The following SMG6 variants were observed in gnomAD, a reference collection of about 807,000 sequenced individuals.
SMG6 encodes the protein telomerase-binding protein EST1A.
SMG6 carries 66 observed loss-of-function variants against 142.2 expected under a neutral mutation model. That is an observed-to-expected ratio of 0.46 (90% CI 0.38 to 0.57). SMG6 has a LOEUF of 0.57. Ranked by LOEUF, SMG6 falls within the 20% of genes least tolerant of loss-of-function variation. The pLI, the probability that SMG6 is intolerant of heterozygous loss-of-function variation, is 0.00. For synonymous variants in SMG6, 779 were observed against 702.4 expected (o/e 1.11, Z -1.72); for missense variants, 1,793 against 1,832.0 (o/e 0.98, Z 0.39).
In SMG6 at chr17:2,292,592, C is replaced by A. The variant is rs1463752040; in HGVS notation, c.2297G>T (p.Gly766Val). The change falls in exon 6 of 19, where the codon GGG (glycine) becomes GTG (valine). Residue 766 changes from glycine to valine, a missense_variant. Coordinates refer to ENST00000263073, the MANE Select transcript of SMG6 (RefSeq NM_017575.5). The stretch of plus-strand genomic sequence containing the variant: ...CAAAGCCAACTGGTTATAGGGGCGC[C>A]CATTCTTGGGAGCAATGTGCTGGGC... ...LKAQHIAPKN[G>V]RPYNQLALLA... 6.2e-7 allele frequency: 1 copy of A among 1,614,078 alleles called. No individual in the cohort carries two copies. The highest frequency in any genetic ancestry group is 8.5e-7 in the Non-Finnish European group (1 of 1,180,044).
chr17:2,254,086 A>T (rs561183201), intron 8 of SMG6, among the ~76,000 whole-genome samples: 4 of 152,222 alleles, frequency 2.6e-5, no homozygotes, highest in Non-Finnish European at 5.9e-5. Context: ...AAAGAGAAAG[A>T]AAGTTCAGCC....
chr17:2,060,298 C>T lies in SMG6; in HGVS notation c.*1194G>A, dbSNP rs138100055. The stretch of plus-strand genomic sequence containing the variant: ...GGAAGCCTCCCCACTGAGGTACCAG[C>T]TAAAGGGGCAAGGAAAGGGCCCCTG... On this transcript the variant is annotated 3_prime_UTR_variant, in exon 19 of 19. Coordinates refer to ENST00000263073, the MANE Select transcript of SMG6 (RefSeq NM_017575.5). 1.3e-5 allele frequency: 2 copies of T among 152,274 alleles called. No homozygotes were observed. 9.4% of individuals were successfully genotyped at this position (152,274 alleles called of 1,614,324 possible).
intron 10 of SMG6, among the ~76,000 whole-genome samples, chr17:2,220,942 A>G (rs2073152684): frequency 6.6e-6 from 1 of 152,212 alleles, no homozygotes; most frequent in South Asian, 2.1e-4. Context: ...AAAAAAAATC[A>G]TTTAGTTTTC....
intron 10 of SMG6, among the ~76,000 whole-genome samples, chr17:2,190,379 G>C (rs2072122917): frequency 6.6e-6 from 1 of 152,292 alleles, no homozygotes; most frequent in Non-Finnish European, 1.5e-5. Context: ...GGGATGGAGG[G>C]GGGTGTCCTG....
At chr17:2,229,888 G>C (rs1426543311) in intron 10 of SMG6, among the ~76,000 whole-genome samples, 2 of 152,198 alleles carry the variant, frequency 1.3e-5, no homozygotes, top group East Asian at 1.9e-4. Context: ...AAAGGTAGCT[G>C]AAAGTCCTGC....
At chr17:2,118,475 G>A (rs1264257873) in intron 13 of SMG6, among the ~76,000 whole-genome samples, 3 of 152,184 alleles carry the variant, frequency 2.0e-5, no homozygotes, top group Non-Finnish European at 4.4e-5. Context: ...GGGAGTAGAG[G>A]TAGCAGTGAG....
At chr17:2,232,328 T>C (rs2073520793) in intron 10 of SMG6, among the ~76,000 whole-genome samples, 1 of 152,164 alleles carries the variant, frequency 6.6e-6, no homozygotes, top group Non-Finnish European at 1.5e-5. Context: ...ACTACCGAAG[T>C]GTTAAATACG....
chr17:2,077,950 C>CA (rs1434115812), intron 15 of SMG6, among the ~76,000 whole-genome samples: 2 of 152,158 alleles, frequency 1.3e-5, no homozygotes, highest in Non-Finnish European at 2.9e-5. Flanking sequence ...GCTGGAAAAA[C>CA]AGACTGGGAA....
chr17:2,242,374 A>T (rs2073825594), intron 9 of SMG6, among the ~76,000 whole-genome samples: 1 of 148,682 alleles, frequency 6.7e-6, no homozygotes, highest in African/African-American at 2.5e-5. Flanking sequence ...AAAAAAAAAA[A>T]AAAAAATTAG....
chr17:2,123,338 G>C (rs1390325521), intron 13 of SMG6, among the ~76,000 whole-genome samples: 3 of 152,168 alleles, frequency 2.0e-5, no homozygotes, highest in Admixed American at 1.3e-4. Context: ...GACTCCAAAC[G>C]ATATTCCTAA....
intron 13 of SMG6, among the ~76,000 whole-genome samples, chr17:2,140,230 T>A (rs112108842): frequency 1.3e-5 from 2 of 151,954 alleles, no homozygotes; most frequent in African/African-American, 4.8e-5. Flanking sequence ...GCCCAACTAG[T>A]TTTTGTACTT....
chr17:2,086,854 T>C (rs1211598968), intron 13 of SMG6, among the ~76,000 whole-genome samples: 1 of 152,104 alleles, frequency 6.6e-6, no homozygotes, highest in African/African-American at 2.4e-5. Context: ...ACTGGCTGAG[T>C]GCTCACCAAG....
rs148023467 is a variant in SMG6, at chr17:2,066,541, C to T, written c.3836-862G>A. ...TTTGGGGTCTGAGGCCTCTCCTTAG[C>T]GCAGTGATTCATGGCTCAGGGAGCC... On this transcript the variant is annotated intron_variant, in intron 16 of 18. Transcript: ENST00000263073. Among the ~76,000 whole-genome samples the T allele has an allele frequency of 3.5e-3, 533 of 151,990 alleles. 5 individuals are homozygous for T. Among genetic ancestry groups the T allele is most frequent in the African/African-American group, 0.01 (424 of 41,418 alleles).
intron 13 of SMG6, among the ~76,000 whole-genome samples, chr17:2,162,705 A>C (rs1304317517): frequency 6.6e-6 from 1 of 152,094 alleles, no homozygotes; most frequent in Non-Finnish European, 1.5e-5. Flanking sequence ...ACTTATATCC[A>C]GTCATCCATC....
At chr17:2,251,508 A>C (rs1411559535) in intron 8 of SMG6, among the ~76,000 whole-genome samples, 1 of 152,180 alleles carries the variant, frequency 6.6e-6, no homozygotes, top group African/African-American at 2.4e-5. Flanking sequence ...CAGATGTCCC[A>C]CTTAAGATGG....
intron 13 of SMG6, among the ~76,000 whole-genome samples, chr17:2,161,174 C>G (rs2071166835): frequency 6.8e-6 from 1 of 147,412 alleles, no homozygotes; most frequent in South Asian, 2.1e-4. Context: ...GGGGCGCGAT[C>G]TTGGCTCACT....
At chr17:2,125,088 C>A (rs919058484) in intron 13 of SMG6, among the ~76,000 whole-genome samples, 10 of 152,176 alleles carry the variant, frequency 6.6e-5, no homozygotes, top group Non-Finnish European at 7.3e-5. Context: ...AGAAGGAGTT[C>A]CATTCCTGCC....
chr17:2,291,262 C>T (rs947103315), intron 6 of SMG6, among the ~76,000 whole-genome samples: 9 of 151,030 alleles, frequency 6.0e-5, no homozygotes, highest in South Asian at 2.1e-4. Flanking sequence ...ACCCGGGAGG[C>T]GGAGCTTGCC....
At chr17:2,173,938 T>C (rs545980423) in intron 12 of SMG6, among the ~76,000 whole-genome samples, 17 of 151,632 alleles carry the variant, frequency 1.1e-4, no homozygotes, top group Middle Eastern at 3.4e-3. Context: ...AGACTTGGCT[T>C]TCTTCTCCAG....
Sources: allele counts gnomAD v4.1 joint callset (sites outside exome capture counted in the v4.1 genomes callset), GRCh38; gene constraint gnomAD v4.1.1; transcripts MANE v1.5; gene names NCBI Gene and HGNC (gene_info 2026-07-23, HGNC 2026-07-21).